The following TUBGCP6 variants were observed in gnomAD, a reference collection of about 807,000 sequenced individuals.
The protein encoded by TUBGCP6 is tubulin gamma complex component 6, also known as gamma-tubulin complex component 6.
A neutral mutation model predicts 175.8 loss-of-function variants in TUBGCP6; 161 were observed. The ratio of observed to expected loss-of-function variants is 0.92; its 90% CI spans 0.81 to 1.04. TUBGCP6 has a LOEUF of 1.04. Among genes scored for constraint, TUBGCP6 ranks in the 50% least tolerant of loss-of-function variants. TUBGCP6 has a pLI of 0.00. For missense variants in TUBGCP6, 2,572 were observed against 2,433.0 expected (o/e 1.06, Z -1.20); for synonymous variants, 1,173 against 1,030.5 (o/e 1.14, Z -2.65).
At position 50,220,542 on chromosome 22, in the gene TUBGCP6, G is replaced by A. The variant is rs748733285; in HGVS notation, c.3817C>T (p.Pro1273Ser). 7 of 1,613,568 alleles carry A rather than the reference G, an allele frequency of 4.3e-6. No homozygotes were observed. The South Asian group carries it at 6.6e-5, about 15-fold the overall frequency. ...RPRWNTHVPI[P>S]PPHMVLGALS... ...GCCCCCAGCACCATGTGGGGCGGAG[G>A]GATGGGTACATGGGTGTTCCACCGT... The change falls in exon 16 of 25, where the codon CCT becomes TCT. Residue 1273 changes from proline to serine, a missense_variant. Transcript: ENST00000248846.
chr22:50,227,843 C>A, intron 5 of TUBGCP6, 64 bp downstream of exon 5: 1 of 1,544,862 alleles, frequency 6.5e-7, no homozygotes, highest in Non-Finnish European at 8.7e-7. Context: ...AAACCCTCCA[C>A]CACCCAGCAA....
intron 20 of TUBGCP6, 48 bp downstream of exon 20, chr22:50,219,020 C>T (rs776019851): frequency 3.7e-6 from 6 of 1,605,530 alleles, no homozygotes; most frequent in Non-Finnish European, 5.1e-6. Flanking sequence ...CTCTCTTTTC[C>T]CACGGCCTCC....
chr22:50,219,976 T>A lies in TUBGCP6; in HGVS notation c.4148A>T (p.Asn1383Ile). 1 of 1,614,006 alleles carries A rather than the reference T, an allele frequency of 6.2e-7. No homozygotes were observed. The part of the protein sequence containing the change: ...RSGDTEDLSP[N>I]WPLNSQEDTA... ...CCTAACCTGTGAGTTGAGAGGCCAA[T>A]TTGGAGAGAGGTCCTCAGTGTCCCC... Residue 1383 changes from asparagine to isoleucine, a missense_variant, in exon 17 of 25, where the codon AAT (asparagine) becomes ATT (isoleucine). By Grantham distance (149) the Asn-to-Ile change is moderately radical (BLOSUM62 -3). Transcript: ENST00000248846.
chr22:50,220,207 C>T (rs528767361), intron 16 of TUBGCP6, 44 bp downstream of exon 16: 20 of 1,547,250 alleles, frequency 1.3e-5, no homozygotes, highest in South Asian at 2.5e-5. Context: ...AGGCTCTGTG[C>T]GTCCCACAGT....
At chr22:50,225,744 A>G in intron 10 of TUBGCP6, 50 bp downstream of exon 10, 1 of 1,571,396 alleles carries the variant, frequency 6.4e-7, no homozygotes, top group Non-Finnish European at 8.6e-7. Context: ...AGACCCCAGG[A>G]AGCAGAGGCA....
At chr22:50,235,324 A>AT (rs2064762320) in intron 2 of TUBGCP6, among the ~76,000 whole-genome samples, 3 of 151,182 alleles carry the variant, frequency 2.0e-5, no homozygotes, top group African/African-American at 7.3e-5. Flanking sequence ...GCCTGTCCAC[A>AT]GCAGCATCCA....
chr22:50,226,580 G>A (rs2064613791), intron 7 of TUBGCP6, among the ~76,000 whole-genome samples, 153 bp downstream of exon 7: 1 of 148,330 alleles, frequency 6.7e-6, no homozygotes, highest in Admixed American at 6.7e-5. Context: ...TGGGGGCAGG[G>A]TGGGGGGTTG....
intron 2 of TUBGCP6, among the ~76,000 whole-genome samples, chr22:50,239,099 A>C (rs915673240): frequency 4.6e-5 from 7 of 152,100 alleles, no homozygotes; most frequent in African/African-American, 7.2e-5. Flanking sequence ...CCAAACCGAT[A>C]CCCACAGGAT....
chr22:50,222,390 C>A, intron 14 of TUBGCP6, 64 bp downstream of exon 14: 1 of 1,602,664 alleles, frequency 6.2e-7, no homozygotes, highest in South Asian at 1.1e-5. Context: ...TGTGTGCAGT[C>A]TCAGGGGGTT....
In TUBGCP6 at chr22:50,218,022, G is replaced by A. The variant is rs371250252; in HGVS notation, c.5264C>T (p.Ala1755Val). The change falls in exon 24 of 25, where the codon GCC becomes GTC. Residue 1755 changes from alanine (A) to valine (V), a missense_variant. Physicochemically the swap from Ala to Val is moderately conservative, Grantham distance 64 (BLOSUM62 0). Transcript: ENST00000248846. ...LKFRSQLISQ[A>V]WGPPGGPRGA... ...CCGCGGGCCCCCAGGGGGCCCCCAG[G>A]CCTGGGAGATGAGCTGGCTGCGGAA... The A allele has an allele frequency of 1.3e-5, 21 of 1,613,196 alleles. No individual in the cohort carries two copies. The highest frequency in any genetic ancestry group is 1.7e-5 in the Non-Finnish European group (20 of 1,179,942).
chr22:50,244,954 G>A lies in TUBGCP6; in HGVS notation c.-495C>T. ...GCCTGCACGTCCACCCGTTCTCCAG[G>A]CCTCACCCGTGGAAAGTGCCCACGG... On this transcript the variant is annotated 5_prime_UTR_variant, in exon 1 of 25. Coordinates refer to ENST00000248846, the MANE Select transcript of TUBGCP6 (RefSeq NM_020461.4). 1 of 224,270 alleles carries A rather than the reference G, an allele frequency of 4.5e-6. No homozygotes were observed. The highest frequency in any genetic ancestry group is 8.9e-6 in the Non-Finnish European group (1 of 112,092). The allele number at this position is 224,270 out of a possible 1,614,324, so 13.9% of individuals were successfully genotyped here. A position where few individuals can be genotyped will look rare whatever the true frequency, so the allele number is the denominator to read the frequency against.
Position 50,225,818 on chromosome 22 carries a change from G to A in TUBGCP6, c.1959C>T (p.His653=), listed in dbSNP as rs1211584723. 3.7e-6 allele frequency: 6 copies of A among 1,613,478 alleles called. No homozygotes were observed. Among genetic ancestry groups the A allele is most frequent in the African/African-American group, 2.7e-5 (2 of 74,892 alleles). ...CCTTCTCCTCCTTGCTGACAGAGCTGTGGCGGGCCACCCTCTCCATGCGCC... is the reference window on the plus strand; with the variant it reads ...CCTTCTCCTCCTTGCTGACAGAGCTATGGCGGGCCACCCTCTCCATGCGCC... The part of the protein sequence containing the change: ...YVGRMERVAR[H]SSVSKEEKEL... The change falls in exon 10 of 25, where the codon CAC becomes CAT. Residue 653 remains histidine, a synonymous_variant. Coordinates refer to ENST00000248846, the MANE Select transcript of TUBGCP6 (RefSeq NM_020461.4).
intron 2 of TUBGCP6, among the ~76,000 whole-genome samples, chr22:50,234,781 G>A: frequency 7.7e-6 from 1 of 129,986 alleles, no homozygotes; most frequent in Admixed American, 7.9e-5. Context: ...GTCCACAGCA[G>A]CATCCACATC....
Position 50,217,782 on chromosome 22 carries a change from T to C in TUBGCP6, c.5414A>G (p.Asp1805Gly), listed in dbSNP as rs2064439711. ...GTTGAAGTTGATGCGCAGCAGAAAG[T>C]CCTCCAGGTGGGGCTGGTAGCCGCG... ...VNRGYQPHLE[D>G]FLLRINFNNY... is the part of the protein sequence containing the mutation. The change falls in exon 25 of 25, where the codon GAC becomes GGC. Residue 1805 changes from aspartate (D) to glycine (G), a missense_variant. Asp to Gly is a moderately conservative substitution (Grantham distance 94). Coordinates refer to ENST00000248846, the MANE Select transcript of TUBGCP6 (RefSeq NM_020461.4). The C allele has an allele frequency of 6.2e-7, 1 of 1,613,900 alleles. No individual in the cohort carries two copies.
At position 50,221,528 on chromosome 22, in the gene TUBGCP6, T is replaced by C; in HGVS notation, c.2831A>G (p.Gln944Arg). The C allele has an allele frequency of 6.3e-7, 1 of 1,586,470 alleles. No individual in the cohort carries two copies. Among genetic ancestry groups the C allele is most frequent in the South Asian group, 1.1e-5 (1 of 88,924 alleles). Residue 944 changes from glutamine (Q) to arginine (R), a missense_variant, in exon 16 of 25, where the codon CAG (glutamine) becomes CGG (arginine). Gln to Arg is a conservative substitution (Grantham distance 43, BLOSUM62 1). Transcript: ENST00000248846. Reference protein sequence around the residue: ...PGEAPAAASTQPSRPQEYDFS... With the variant: ...PGEAPAAASTRPSRPQEYDFS... Reference sequence around the variant, plus strand: ...GTCGTACTCCTGTGGCCTGGAGGGCTGAGTGCTGGCTGCTGCGGGTGCCTC... The same window carrying C: ...GTCGTACTCCTGTGGCCTGGAGGGCCGAGTGCTGGCTGCTGCGGGTGCCTC...
rs2034417234 is a variant in TUBGCP6, at chr22:50,229,588, G to A, written c.1117-11C>T. 6.3e-7 allele frequency: 1 copy of A among 1,577,842 alleles called. No individual in the cohort carries two copies. Reference sequence around the variant, plus strand: ...AAAGGCCTGGGCCGGCTGCACAGGGGCAGAGGACACTGGTCACAGAGGCCA... The same window carrying A: ...AAAGGCCTGGGCCGGCTGCACAGGGACAGAGGACACTGGTCACAGAGGCCA... On this transcript the variant is annotated splice_polypyrimidine_tract_variant and intron_variant, in intron 3 of 24. Coordinates refer to ENST00000248846, the MANE Select transcript of TUBGCP6 (RefSeq NM_020461.4).
chr22:50,238,137 AAGAGAG>A (rs146778199), intron 2 of TUBGCP6, among the ~76,000 whole-genome samples: 91 of 149,594 alleles, frequency 6.1e-4, no homozygotes, highest in African/African-American at 2.0e-3. Flanking sequence ...AGAAAAAGAA[AAGAGAG>A]AGAGAGAGAG....
chr22:50,239,531 T>C (rs1190534717), intron 2 of TUBGCP6, among the ~76,000 whole-genome samples: 1 of 152,138 alleles, frequency 6.6e-6, no homozygotes, highest in Non-Finnish European at 1.5e-5. Flanking sequence ...ACCACCACAT[T>C]AAAGACTCTG....
intron 16 of TUBGCP6, 54 bp from the exon 17 acceptor site, chr22:50,220,069 TAC>T: frequency 2.5e-6 from 4 of 1,584,052 alleles, no homozygotes; most frequent in Non-Finnish European, 3.4e-6. Flanking sequence ...CTGTGGCGGG[TAC>T]AGAGCCGAGC....
Sources: gnomAD v4.1 joint callset for allele counts (sites outside exome capture counted in the v4.1 genomes callset) on GRCh38, gnomAD v4.1.1 for gene constraint, MANE v1.5 for transcripts, NCBI Gene and HGNC (gene_info 2026-07-23, HGNC 2026-07-21) for gene names.